TLN2: variants seen among roughly 807,000 people sequenced by gnomAD.
The protein encoded by TLN2 is talin-2.
A neutral mutation model predicts 294.7 loss-of-function variants in TLN2; 118 were observed. The ratio of observed to expected loss-of-function variants is 0.40; its 90% CI spans 0.34 to 0.47. TLN2 has a LOEUF of 0.47. Ranked by LOEUF, TLN2 falls within the 20% of genes least tolerant of loss-of-function variation. The pLI, the probability that TLN2 is intolerant of heterozygous loss-of-function variation, is 0.84. For missense variants in TLN2, 3,083 were observed against 3,282.2 expected, an observed-to-expected ratio of 0.94 and a Z score of 1.48; for synonymous variants, 1,431 against 1,304.5, an observed-to-expected ratio of 1.10 and a Z score of -2.09.
At chr15:62,767,834 G>A (rs563981519) in intron 41 of TLN2, among the ~76,000 whole-genome samples, 263 of 152,292 alleles carry the variant, frequency 1.7e-3, no homozygotes, top group African/African-American at 6.1e-3. Context: ...CAGAACTTTT[G>A]TAATAGAATA....
At chr15:62,687,092 C>G (rs2057347717) in intron 12 of TLN2, among the ~76,000 whole-genome samples, 1 of 152,190 alleles carries the variant, frequency 6.6e-6, no homozygotes, top group Admixed American at 6.5e-5. Flanking sequence ...GTTCTGTGTT[C>G]CTGATGACAT....
chr15:62,578,069 G>A (rs555748586), intron 1 of TLN2, among the ~76,000 whole-genome samples: 15 of 152,208 alleles, frequency 9.9e-5, no homozygotes, highest in South Asian at 2.1e-4. Context: ...TATATGTGCC[G>A]TATTTTCTTA....
Position 62,757,797 on chromosome 15 carries a change from G to A in TLN2, c.4638+2104G>A, listed in dbSNP as rs192703505. ...AACGAGGAGCAATGCAAGAGGAACA[G>A]AAATGAACGTGCTGCCCCTCCGCGT... is the stretch of plus-strand genomic sequence containing the variant. On this transcript the variant is annotated intron_variant, in intron 37 of 58. Coordinates refer to ENST00000636159, the MANE Select transcript of TLN2 (RefSeq NM_015059.3). Among the ~76,000 whole-genome samples, 405 of 152,318 alleles carry A rather than the reference G, an allele frequency of 2.7e-3. 4 individuals are homozygous for A. Among genetic ancestry groups the A allele is most frequent in the Non-Finnish European group, 1.2e-3 (81 of 68,028 alleles).
chr15:62,738,129 A>C, intron 29 of TLN2, 85 bp from the exon 30 acceptor site: 5 of 1,512,864 alleles, frequency 3.3e-6, no homozygotes, highest in Non-Finnish European at 4.5e-6. Flanking sequence ...TATCTGCTTC[A>C]GCTCTGCATG....
chr15:62,712,165 C>A, intron 22 of TLN2, 88 bp downstream of exon 22: 1 of 1,491,908 alleles, frequency 6.7e-7, no homozygotes, highest in South Asian at 1.3e-5. Flanking sequence ...CATGGTCATC[C>A]GAGTGTGCAT....
intron 1 of TLN2, among the ~76,000 whole-genome samples, chr15:62,554,482 T>C (rs980969531): frequency 6.6e-6 from 1 of 151,738 alleles, no homozygotes; most frequent in Non-Finnish European, 1.5e-5. Context: ...GATACTAAAA[T>C]GTTCACAGTT....
intron 14 of TLN2, among the ~76,000 whole-genome samples, chr15:62,696,841 C>G (rs974305005): frequency 2.6e-5 from 4 of 152,152 alleles, no homozygotes; most frequent in Admixed American, 1.3e-4. Flanking sequence ...ATGAAACATC[C>G]TCTGTGGTCA....
intron 9 of TLN2, among the ~76,000 whole-genome samples, chr15:62,669,048 G>T (rs2055075744): frequency 1.3e-5 from 2 of 152,166 alleles, no homozygotes; most frequent in African/African-American, 4.8e-5. Context: ...GCAGTGTCTT[G>T]CATGAACCAT....
intron 9 of TLN2, among the ~76,000 whole-genome samples, chr15:62,670,628 A>G (rs192533839): frequency 8.3e-4 from 126 of 152,212 alleles, no homozygotes; most frequent in Middle Eastern, 3.4e-3. Context: ...CAGTGTTTCC[A>G]TGTTGTAACA....
At chr15:62,592,231 C>T (rs1596277039) in intron 2 of TLN2, among the ~76,000 whole-genome samples, 1 of 152,288 alleles carries the variant, frequency 6.6e-6, no homozygotes, top group East Asian at 1.9e-4. Context: ...TCTGAGAGTC[C>T]TGAGAAGTTA....
intron 1 of TLN2, chr15:62,453,616 T>C (rs1473671284): frequency 1.3e-5 from 2 of 152,218 alleles, no homozygotes; most frequent in Admixed American, 1.3e-4. Flanking sequence ...GTTCTAAGTT[T>C]CCCTCTTGTC....
chr15:62,463,173 T>G (rs2036909501), intron 1 of TLN2, among the ~76,000 whole-genome samples: 1 of 152,244 alleles, frequency 6.6e-6, no homozygotes, highest in South Asian at 2.1e-4. Context: ...AAGGCTCTTG[T>G]GTCTTTCATG....
intron 1 of TLN2, among the ~76,000 whole-genome samples, chr15:62,462,144 G>C (rs1488845441): frequency 2.0e-5 from 3 of 152,262 alleles, no homozygotes; most frequent in African/African-American, 7.2e-5. Context: ...TGAGGCAGGA[G>C]AATTGCTTGA....
intron 1 of TLN2, among the ~76,000 whole-genome samples, chr15:62,505,123 A>ATT (rs200018120): frequency 4.6e-5 from 7 of 151,616 alleles, no homozygotes; most frequent in African/African-American, 1.7e-4. Flanking sequence ...TGCCCAGCTA[A>ATT]TTTTTTTGTA....
chr15:62,781,222 C>A lies in TLN2; in HGVS notation c.5597C>A (p.Ala1866Glu), dbSNP rs377502147. ...TTVVKYSKAI[A>E]VTAQEMMTKS... The stretch of plus-strand genomic sequence containing the variant: ...GTGGTTAAATACTCCAAAGCCATTG[C>A]GGTGACAGCTCAGGAAATGGTAAGA... Residue 1866 changes from alanine (A) to glutamate (E), a missense_variant, in exon 44 of 59, where the codon GCG (alanine) becomes GAG (glutamate). Coordinates refer to ENST00000636159, the MANE Select transcript of TLN2 (RefSeq NM_015059.3). 1 of 1,613,842 alleles carries A rather than the reference C, an allele frequency of 6.2e-7. No individual in the cohort carries two copies. Among genetic ancestry groups the A allele is most frequent in the African/African-American group, 1.3e-5 (1 of 74,918 alleles).
At chr15:62,468,874 T>C (rs1329372835) in intron 1 of TLN2, among the ~76,000 whole-genome samples, 1 of 152,226 alleles carries the variant, frequency 6.6e-6, no homozygotes, top group East Asian at 1.9e-4. Context: ...GATGCTCATT[T>C]CCATGCTGTT....
chr15:62,403,228 A>G (rs75105622), intron 1 of TLN2, among the ~76,000 whole-genome samples: 2 of 149,894 alleles, frequency 1.3e-5, no homozygotes, highest in Admixed American at 6.6e-5. Context: ...AAAAAAAAAA[A>G]AGAGAGGAAA....
Position 62,539,128 on chromosome 15 carries a change from C to T in TLN2, c.-237-50559C>T, listed in dbSNP as rs893377093. Among the ~76,000 whole-genome samples, 3 of 152,206 alleles carry T rather than the reference C, an allele frequency of 2.0e-5. No homozygotes were observed. The East Asian group carries it at 5.8e-4, about 29-fold the overall frequency. On this transcript the variant is annotated intron_variant, in intron 1 of 58. Transcript: ENST00000636159. The stretch of plus-strand genomic sequence containing the variant: ...TTGATGACTTTCTCTCCCTGCTCTT[C>T]CCTTCTCCACCCTTAGCCAAATTAG...
At chr15:62,676,844 A>T (rs2056258146) in intron 11 of TLN2, among the ~76,000 whole-genome samples, 1 of 152,140 alleles carries the variant, frequency 6.6e-6, no homozygotes, top group African/African-American at 2.4e-5. Context: ...TGAACTCCTG[A>T]GCTCAGGCAG....
Sources: gnomAD v4.1 joint callset for allele counts (sites outside exome capture counted in the v4.1 genomes callset) on GRCh38, gnomAD v4.1.1 for gene constraint, MANE v1.5 for transcripts, NCBI Gene and HGNC (gene_info 2026-07-23, HGNC 2026-07-21) for gene names.